The following IMMP2L variants were observed in gnomAD, a reference collection of about 807,000 sequenced individuals.
IMMP2L encodes inner mitochondrial membrane peptidase subunit 2.
In IMMP2L, 18 loss-of-function variants were observed where a neutral mutation model predicts 19.3. The ratio of observed to expected loss-of-function variants is 0.93; its 90% CI spans 0.64 to 1.38. The LOEUF is 1.38. Ranked by LOEUF, IMMP2L falls within the 40% of genes most tolerant of loss-of-function variation. The probability of loss-of-function intolerance (pLI) is 0.00; values close to 1 mark genes in which losing one functional copy is unlikely to be tolerated. For missense variants in IMMP2L, 233 were observed against 218.2 expected (o/e 1.07, Z -0.43); for synonymous variants, 76 against 73.0 (o/e 1.04, Z -0.21).
chr7:111,402,612 A>G (rs1391149414), intron 3 of IMMP2L, among the ~76,000 whole-genome samples: 3 of 151,916 alleles, frequency 2.0e-5, no homozygotes, highest in Admixed American at 1.3e-4. Flanking sequence ...TCGAGAGGCT[A>G]AGGCAGGAGA....
intron 3 of IMMP2L, among the ~76,000 whole-genome samples, chr7:111,415,715 C>T (rs1284567968): frequency 1.3e-5 from 2 of 151,696 alleles, no homozygotes; most frequent in Non-Finnish European, 2.9e-5. Context: ...AAAAATTACA[C>T]ACCTGAGAAT....
chr7:110,882,559 T>C (rs566802303), intron 5 of IMMP2L, among the ~76,000 whole-genome samples: 1 of 152,128 alleles, frequency 6.6e-6, no homozygotes, highest in South Asian at 2.1e-4. Flanking sequence ...TTTTGTGTTT[T>C]TAGTAGAGAC....
intron 3 of IMMP2L, among the ~76,000 whole-genome samples, chr7:111,103,199 T>C (rs554724717): frequency 2.0e-5 from 3 of 151,732 alleles, no homozygotes; most frequent in South Asian, 2.1e-4. Flanking sequence ...CATTACTCCA[T>C]CATCTCAAAA....
chr7:110,739,545 A>G (rs941155101), intron 5 of IMMP2L, among the ~76,000 whole-genome samples: 1 of 152,200 alleles, frequency 6.6e-6, no homozygotes, highest in Admixed American at 6.5e-5. Flanking sequence ...CTAATACTGG[A>G]GCTCCCAAAT....
At chr7:111,522,800 C>G (rs918497994) in intron 1 of IMMP2L, among the ~76,000 whole-genome samples, 2 of 151,854 alleles carry the variant, frequency 1.3e-5, no homozygotes, top group African/African-American at 4.8e-5. Flanking sequence ...TCCAAAGGAA[C>G]TGAAATCAGT....
intron 3 of IMMP2L, among the ~76,000 whole-genome samples, chr7:111,479,154 C>T (rs1168247736): frequency 6.6e-6 from 1 of 152,138 alleles, no homozygotes; most frequent in Non-Finnish European, 1.5e-5. Context: ...TTCTGCTCAT[C>T]CTGTCACCAT....
intron 1 of IMMP2L, among the ~76,000 whole-genome samples, chr7:111,556,380 T>C (rs1791362949): frequency 6.6e-6 from 1 of 152,110 alleles, no homozygotes; most frequent in South Asian, 2.1e-4. Context: ...GTAACCATTT[T>C]ACTATTTACA....
intron 3 of IMMP2L, among the ~76,000 whole-genome samples, chr7:111,240,145 A>T (rs1176560737): frequency 1.3e-5 from 2 of 151,936 alleles, no homozygotes; most frequent in East Asian, 3.8e-4. Flanking sequence ...ATAATATAGA[A>T]TGTTTCCTTA....
intron 1 of IMMP2L, among the ~76,000 whole-genome samples, chr7:111,541,914 T>C (rs1311666286): frequency 1.3e-5 from 2 of 152,074 alleles, no homozygotes; most frequent in African/African-American, 2.4e-5. Context: ...CACCTCTTCA[T>C]ACATGTTAAG....
intron 3 of IMMP2L, among the ~76,000 whole-genome samples, chr7:111,130,375 A>G (rs947323169): frequency 6.6e-6 from 1 of 152,130 alleles, no homozygotes; most frequent in Non-Finnish European, 1.5e-5. Context: ...ATGAGCTACA[A>G]CGACATTTGG....
intron 3 of IMMP2L, among the ~76,000 whole-genome samples, chr7:111,073,832 A>T (rs922839966): frequency 5.3e-5 from 8 of 152,192 alleles, no homozygotes; most frequent in African/African-American, 1.9e-4. Flanking sequence ...TGGTCTGTAC[A>T]CTAATGTTCT....
intron 3 of IMMP2L, among the ~76,000 whole-genome samples, chr7:111,427,135 A>AG (rs1465133097): frequency 1.3e-5 from 2 of 151,562 alleles, no homozygotes; most frequent in Non-Finnish European, 2.9e-5. Context: ...CGAAGACCTT[A>AG]GAATTCTTTT....
intron 5 of IMMP2L, among the ~76,000 whole-genome samples, chr7:110,874,616 G>T (rs1296201790): frequency 6.6e-6 from 1 of 151,852 alleles, no homozygotes. Context: ...TAAGGTGGTT[G>T]CTTTCTTTAA....
intron 3 of IMMP2L, among the ~76,000 whole-genome samples, chr7:111,017,563 A>G (rs1825840380): frequency 6.6e-6 from 1 of 152,100 alleles, no homozygotes; most frequent in African/African-American, 2.4e-5. Context: ...AGATATGGAA[A>G]TTGTCTGACA....
intron 5 of IMMP2L, among the ~76,000 whole-genome samples, chr7:110,781,502 A>AT (rs1284449139): frequency 2.0e-5 from 3 of 151,778 alleles, no homozygotes; most frequent in South Asian, 2.1e-4. Flanking sequence ...TGGTATTCTT[A>AT]TTTTTTTCAT....
intron 3 of IMMP2L, among the ~76,000 whole-genome samples, chr7:111,022,569 TGA>T (rs1330548664): frequency 6.6e-6 from 1 of 152,302 alleles, no homozygotes; most frequent in East Asian, 1.9e-4. Context: ...AGAATCTTAG[TGA>T]GTAGCTGTGG....
chr7:111,048,100 C>A (rs1334307050), intron 3 of IMMP2L, among the ~76,000 whole-genome samples: 5 of 151,282 alleles, frequency 3.3e-5, no homozygotes, highest in Non-Finnish European at 1.5e-5. Context: ...ATTAGCCGGG[C>A]GTGGTGGCAG....
chr7:111,293,449 T>G (rs1287236002), intron 3 of IMMP2L, among the ~76,000 whole-genome samples: 1 of 151,804 alleles, frequency 6.6e-6, no homozygotes, highest in Admixed American at 6.6e-5. Context: ...TTTCCTGACA[T>G]TTGACCTCTT....
At chr7:110,847,836 A>T (rs28687586) in intron 5 of IMMP2L, among the ~76,000 whole-genome samples, 7,361 of 152,242 alleles carry the variant, frequency 0.048, 569 homozygotes, top group African/African-American at 0.17. Context: ...TAGTGCTGGA[A>T]CAACAGGACA....
Sources: allele counts gnomAD v4.1 joint callset (sites outside exome capture counted in the v4.1 genomes callset), GRCh38; gene constraint gnomAD v4.1.1; transcripts MANE v1.5; gene names NCBI Gene and HGNC (gene_info 2026-07-23, HGNC 2026-07-21).